The following DAB1 variants were observed in gnomAD, a reference collection of about 807,000 sequenced individuals.
The protein encoded by DAB1 is disabled homolog 1.
DAB1 carries 15 observed loss-of-function variants against 64.6 expected under a neutral mutation model. The observed-to-expected ratio is 0.23, with a 90% CI of 0.16 to 0.36. The LOEUF is 0.36. Ranked by LOEUF, DAB1 falls within the 10% of genes least tolerant of loss-of-function variation. The pLI is 1.00. For missense variants in DAB1, 596 were observed against 706.7 expected (o/e 0.84, Z 1.78); for synonymous variants, 235 against 251.9 (o/e 0.93, Z 0.64).
intron 9 of DAB1, among the ~76,000 whole-genome samples, chr1:57,040,169 T>C (rs1454458295): frequency 6.6e-6 from 1 of 152,104 alleles, no homozygotes; most frequent in Non-Finnish European, 1.5e-5. Context: ...ATTAAATACA[T>C]GGCACCCAAC....
At chr1:58,423,338 T>G (rs1412770922) in intron 3 of DAB1, among the ~76,000 whole-genome samples, 1 of 152,090 alleles carries the variant, frequency 6.6e-6, no homozygotes, top group Admixed American at 6.5e-5. Context: ...AGAGAGTGCC[T>G]CTCCCTCTGG....
intron 4 of DAB1, among the ~76,000 whole-genome samples, chr1:58,176,870 T>C (rs910723960): frequency 6.6e-6 from 1 of 151,824 alleles, no homozygotes; most frequent in African/African-American, 2.4e-5. Flanking sequence ...TCCCAGCTAC[T>C]TGGGAGGCTG....
intron 1 of DAB1, among the ~76,000 whole-genome samples, chr1:57,302,898 T>TTAAC (rs1230621009): frequency 1.3e-5 from 2 of 152,184 alleles, no homozygotes; most frequent in African/African-American, 4.8e-5. Flanking sequence ...GGCACGCTAT[T>TTAAC]TAACTCCCCC....
intron 14 of DAB1, among the ~76,000 whole-genome samples, chr1:57,000,200 C>A (rs185902000): frequency 2.0e-5 from 3 of 151,988 alleles, no homozygotes; most frequent in Admixed American, 1.3e-4. Context: ...CCCACCACCA[C>A]GCCCGGCTAA....
intron 8 of DAB1, among the ~76,000 whole-genome samples, chr1:57,063,675 T>C (rs1467924393): frequency 6.6e-6 from 1 of 152,190 alleles, no homozygotes; most frequent in Non-Finnish European, 1.5e-5. Flanking sequence ...ATTCTGAGGA[T>C]GGAGTAAGAA....
intron 2 of DAB1, among the ~76,000 whole-genome samples, chr1:57,191,888 G>A (rs1396122331): frequency 6.6e-6 from 1 of 152,042 alleles, no homozygotes; most frequent in Non-Finnish European, 1.5e-5. Flanking sequence ...ATCTCCCAGG[G>A]TTGAGAAAGA....
intron 2 of DAB1, among the ~76,000 whole-genome samples, chr1:57,203,065 A>C (rs552436585): frequency 2.0e-5 from 3 of 152,332 alleles, no homozygotes; most frequent in Non-Finnish European, 4.4e-5. Flanking sequence ...CATGTGCAGC[A>C]GCAGATTGGG....
chr1:57,301,731 C>A (rs1673677135), intron 1 of DAB1, among the ~76,000 whole-genome samples: 1 of 152,174 alleles, frequency 6.6e-6, no homozygotes, highest in Middle Eastern at 3.2e-3. Context: ...CCTGTAAGTA[C>A]CAAGCCTAGG....
chr1:57,209,393 A>C (rs1207650443), intron 2 of DAB1, among the ~76,000 whole-genome samples: 3 of 152,230 alleles, frequency 2.0e-5, no homozygotes, highest in Non-Finnish European at 2.9e-5. Context: ...AATTGGGGGA[A>C]GTCTGTTCTT....
chr1:57,744,746 G>A (rs187214248), intron 6 of DAB1, among the ~76,000 whole-genome samples: 5 of 152,284 alleles, frequency 3.3e-5, no homozygotes, highest in Admixed American at 2.0e-4. Context: ...TTCTCCACTG[G>A]CAGGTGTGAG....
chr1:57,406,407 C>T (rs908727300), intron 1 of DAB1, among the ~76,000 whole-genome samples: 2 of 152,162 alleles, frequency 1.3e-5, no homozygotes, highest in South Asian at 2.1e-4. Flanking sequence ...TTGTGCTTCC[C>T]TGTCTCTTCC....
chr1:58,488,084 T>C (rs1645607274), intron 3 of DAB1, among the ~76,000 whole-genome samples: 1 of 152,186 alleles, frequency 6.6e-6, no homozygotes, highest in Admixed American at 6.5e-5. Context: ...CTTTTTCTAA[T>C]ATAGACATTT....
At chr1:57,476,292 A>G (rs994193239) in intron 7 of DAB1, among the ~76,000 whole-genome samples, 1 of 151,764 alleles carries the variant, frequency 6.6e-6, no homozygotes, top group Non-Finnish European at 1.5e-5. Flanking sequence ...GAAAATGGGG[A>G]AAAAATGTAT....
chr1:58,317,182 A>G (rs550507687), intron 4 of DAB1, among the ~76,000 whole-genome samples: 2 of 152,286 alleles, frequency 1.3e-5, no homozygotes, highest in Admixed American at 6.5e-5. Context: ...AGAAAATCCA[A>G]TTAGGTGTCT....
chr1:57,341,074 C>T (rs957423680), intron 1 of DAB1, among the ~76,000 whole-genome samples: 1 of 152,062 alleles, frequency 6.6e-6, no homozygotes, highest in Non-Finnish European at 1.5e-5. Flanking sequence ...ATGAGGTGCC[C>T]GTTGGTCCCA....
At chr1:58,189,694 CCTGG>C (rs1319463745) in intron 4 of DAB1, among the ~76,000 whole-genome samples, 5 of 152,166 alleles carry the variant, frequency 3.3e-5, no homozygotes, top group South Asian at 2.1e-4. Context: ...TCCTTACTAC[CCTGG>C]CTGAGGCACA....
At chr1:57,280,453 AGTCATTTACTGACTATCTG>A (rs1671799110) in intron 2 of DAB1, among the ~76,000 whole-genome samples, 1 of 152,194 alleles carries the variant, frequency 6.6e-6, no homozygotes, top group African/African-American at 2.4e-5. Context: ...CCATCCTCTG[AGTCATTTACTGACTATCTG>A]CAAAGACAAA....
chr1:57,072,180 G>T, intron 5 of DAB1, 103 bp downstream of exon 5: 1 of 1,269,566 alleles, frequency 7.9e-7, no homozygotes, highest in Non-Finnish European at 1.1e-6. Context: ...GAAATACATT[G>T]CTTGGTCATA....
intron 4 of DAB1, among the ~76,000 whole-genome samples, chr1:58,251,045 C>T (rs1468164480): frequency 6.6e-6 from 1 of 152,186 alleles, no homozygotes; most frequent in Non-Finnish European, 1.5e-5. Flanking sequence ...TCTTATCAAA[C>T]GACCAAATGA....
Sources: allele counts gnomAD v4.1 joint callset (sites outside exome capture counted in the v4.1 genomes callset), GRCh38; gene constraint gnomAD v4.1.1; transcripts MANE v1.5; gene names NCBI Gene and HGNC (gene_info 2026-07-23, HGNC 2026-07-21).